Variants in SEPTIN8 observed in about 807,000 individuals in gnomAD.
The protein encoded by SEPTIN8 is septin-8.
SEPTIN8 carries 22 observed loss-of-function variants against 53.1 expected under a neutral mutation model. The ratio of observed to expected loss-of-function variants is 0.41; its 90% CI spans 0.30 to 0.59. SEPTIN8 has a LOEUF of 0.59. Among genes scored for constraint, SEPTIN8 ranks in the 20% least tolerant of loss-of-function variants. The pLI, the probability that SEPTIN8 is intolerant of heterozygous loss-of-function variation, is 0.24. For synonymous variants in SEPTIN8, 228 were observed against 248.4 expected (o/e 0.92, Z 0.77); for missense variants, 536 against 638.7 (o/e 0.84, Z 1.73).
intron 9 of SEPTIN8, chr5:132,756,128 C>G: frequency 1.0e-6 from 1 of 985,406 alleles, no homozygotes; most frequent in Non-Finnish European, 1.2e-6. Context: ...AGCATGTTAA[C>G]GTAACAGACT....
At chr5:132,752,269 G>C in intron 9 of SEPTIN8, 88 bp from the exon 10 acceptor site, 1 of 1,475,318 alleles carries the variant, frequency 6.8e-7, no homozygotes, top group Non-Finnish European at 9.1e-7. Context: ...ACCCCAAAGG[G>C]GTACCCTTTG....
At chr5:132,763,996 T>A (rs1756296778) in intron 3 of SEPTIN8, 104 bp from the exon 4 acceptor site, 1 of 1,235,710 alleles carries the variant, frequency 8.1e-7, no homozygotes, top group Non-Finnish European at 1.1e-6. Context: ...CCTGGCCTTT[T>A]CTTTCTGGGA....
At position 132,761,969 on chromosome 5, in the gene SEPTIN8, T is replaced by C; in HGVS notation, c.697-73A>G. ...ATGGCAGACTCTCCCTCCCTGCCCC[T>C]GGGTCCTAGGGAGGGGCAGCCAGAC... On this transcript the variant is annotated intron_variant, in intron 5 of 9. Coordinates refer to ENST00000378719, the MANE Select transcript of SEPTIN8 (RefSeq NM_001098811.2). The surrounding 1 kb of genome is among the most constrained non-coding windows in gnomAD (Gnocchi z 5.8). The C allele has an allele frequency of 1.4e-6, 2 of 1,384,822 alleles. No homozygotes were observed. Among genetic ancestry groups the C allele is most frequent in the Non-Finnish European group, 2.0e-6 (2 of 1,012,482 alleles). 85.8% of individuals were successfully genotyped at this position (1,384,822 alleles called of 1,614,324 possible). A position where few individuals can be genotyped will look rare whatever the true frequency, so the allele number is the denominator to read the frequency against.
intron 1 of SEPTIN8, among the ~76,000 whole-genome samples, chr5:132,766,340 G>A (rs1756592056): frequency 6.6e-6 from 1 of 152,174 alleles, no homozygotes; most frequent in South Asian, 2.1e-4. Context: ...TAAGAATGTG[G>A]AGGCCTGGCC....
rs1041664097 is a variant in SEPTIN8, at chr5:132,765,679, C to T, written c.31-150G>A. ...ATCTCAGACACACCCTGAGTACACC[C>T]GAGCACCAACTCCAGGCCAAGTTTC... On this transcript the variant is annotated intron_variant, in intron 1 of 9. Transcript: ENST00000378719. 24 of 986,796 alleles carry T rather than the reference C, an allele frequency of 2.4e-5. No individual in the cohort carries two copies. In the African/African-American group the frequency reaches 2.9e-4, roughly 12 times the overall value. 61.1% of individuals were successfully genotyped at this position (986,796 alleles called of 1,614,324 possible). A position where few individuals can be genotyped will look rare whatever the true frequency, so the allele number is the denominator to read the frequency against.
At chr5:132,778,062 A>T, upstream of SEPTIN8, 1 of 985,516 alleles carries the variant, frequency 1.0e-6, no homozygotes, top group Non-Finnish European at 1.2e-6. Context: ...ACTGCTCAAA[A>T]CGTTCAGAAA....
intron 9 of SEPTIN8, chr5:132,759,014 G>A (rs1360032568): frequency 2.7e-6 from 2 of 732,986 alleles, no homozygotes; most frequent in Non-Finnish European, 5.0e-6. Context: ...AGATCTGATT[G>A]GGAAGTAATT....
chr5:132,766,950 C>CA (rs1756663267), intron 1 of SEPTIN8, among the ~76,000 whole-genome samples: 1 of 152,180 alleles, frequency 6.6e-6, no homozygotes, highest in South Asian at 2.1e-4. Flanking sequence ...TACCTCCCCA[C>CA]AGCAGCCTTG....
chr5:132,774,231 T>TG (rs1446920441), intron 1 of SEPTIN8: 1 of 166,746 alleles, frequency 6.0e-6, no homozygotes, highest in Non-Finnish European at 1.5e-5. Flanking sequence ...AAAGCAGAGA[T>TG]GGGGGTAAGT....
chr5:132,755,113 C>T (rs912981248), intron 9 of SEPTIN8, among the ~76,000 whole-genome samples: 1 of 152,136 alleles, frequency 6.6e-6, no homozygotes, highest in Non-Finnish European at 1.5e-5. Flanking sequence ...ACTTTGCCTC[C>T]CTGCTGCCTG....
intron 9 of SEPTIN8, chr5:132,754,488 G>A: frequency 1.4e-6 from 1 of 717,502 alleles, no homozygotes; most frequent in South Asian, 1.5e-5. Context: ...ATGGATGTGA[G>A]CTGGATTCTG....
At chr5:132,775,947 C>G (rs1191590198) in intron 1 of SEPTIN8, 2 of 152,146 alleles carry the variant, frequency 1.3e-5, no homozygotes, top group Non-Finnish European at 2.9e-5. Flanking sequence ...ATTATGAAAC[C>G]AAGAGCTCCT....
chr5:132,775,519 C>A (rs766844041), intron 1 of SEPTIN8, among the ~76,000 whole-genome samples: 4 of 152,168 alleles, frequency 2.6e-5, no homozygotes, highest in African/African-American at 4.8e-5. Flanking sequence ...ATGAGAGCAC[C>A]AAGGGGTTAA....
At chr5:132,756,165 T>C in intron 9 of SEPTIN8, 1 of 985,466 alleles carries the variant, frequency 1.0e-6, no homozygotes, top group Non-Finnish European at 1.2e-6. Context: ...TCAGGCCTCG[T>C]ATCCATGAGC....
intron 9 of SEPTIN8, chr5:132,756,075 A>C (rs745533977): frequency 2.3e-4 from 222 of 985,332 alleles, no homozygotes; most frequent in Non-Finnish European, 2.6e-4. Flanking sequence ...ACAGTCAATG[A>C]ATGCAGGAGT....
rs1466717388 is a variant in SEPTIN8, at chr5:132,760,933, C to T, written c.1155G>A (p.Glu385=). The T allele has an allele frequency of 6.2e-7, 1 of 1,602,764 alleles. No homozygotes were observed. The highest frequency in any genetic ancestry group is 8.5e-7 in the Non-Finnish European group (1 of 1,175,754). Residue 385 remains glutamate, a synonymous_variant, in exon 9 of 10, where the codon GAG becomes GAA. Transcript: ENST00000378719. The surrounding 1 kb of genome is among the most constrained non-coding windows in gnomAD (Gnocchi z 5.2). ...CCTCCTCCAGTTCCCGGCGCTTTTC[C>T]TCCACCTTGCGCTTCTCCTCCTGGT... ...RVHQEEKRKV[E]EKRRELEEET...
At position 132,763,711 on chromosome 5, in the gene SEPTIN8, T is replaced by C; in HGVS notation, c.529A>G (p.Ser177Gly). The C allele has an allele frequency of 6.2e-7, 1 of 1,613,778 alleles. No individual in the cohort carries two copies. Residue 177 changes from serine (S) to glycine (G), a missense_variant, in exon 4 of 10, where the codon AGC (serine) becomes GGC (glycine). This residue lies in a region of SEPTIN8 where 395 missense variants were observed against 451.8 expected (regional missense o/e 0.87). Transcript: ENST00000378719. ...LDLVTMKKLD[S>G]KVNIIPIIAK... is the part of the protein sequence containing the mutation. ...GCAGGTGGGGACAGGGATACCTTGC[T>C]GTCTAGTTTCTTCATGGTCACTAGA...
At chr5:132,770,087 ATG>A (rs1757121385) in intron 1 of SEPTIN8, among the ~76,000 whole-genome samples, 19 of 51,162 alleles carry the variant, frequency 3.7e-4, no homozygotes, top group East Asian at 3.1e-3. Flanking sequence ...ATATGTATAT[ATG>A]TATATATATA....
chr5:132,761,918 C>T lies in SEPTIN8; in HGVS notation c.697-22G>A, dbSNP rs1339021701. 4.5e-6 allele frequency: 7 copies of T among 1,557,368 alleles called. No individual in the cohort carries two copies. Among genetic ancestry groups the T allele is most frequent in the Admixed American group, 1.9e-5 (1 of 52,308 alleles). ...GTGCCTGGAAAGGGGCCCGGGTATG[C>T]GTAAGCCCTGAGCTGACACAGACTA... On this transcript the variant is annotated intron_variant, in intron 5 of 9. Coordinates refer to ENST00000378719, the MANE Select transcript of SEPTIN8 (RefSeq NM_001098811.2). This position sits in a 1 kb window ranked among gnomAD's most constrained non-coding sequence, Gnocchi z 5.8.
Sources: allele counts gnomAD v4.1 joint callset (sites outside exome capture counted in the v4.1 genomes callset), GRCh38; gene constraint gnomAD v4.1.1; regional missense constraint gnomAD v4.1.1; non-coding constraint Gnocchi (gnomAD v3.1); transcripts MANE v1.5; gene names NCBI Gene and HGNC (gene_info 2026-07-23, HGNC 2026-07-21).